The following PLAGL1 variants were observed in gnomAD, a reference collection of about 807,000 sequenced individuals.
PLAGL1 encodes PLAG1 like zinc finger 1, also known as zinc finger protein PLAGL1.
Under a neutral mutation model 4.6 loss-of-function variants are expected in PLAGL1, and 1 was observed. The ratio of observed to expected loss-of-function variants is 0.22; its 90% CI spans 0.08 to 1.03. PLAGL1 has a LOEUF of 1.03. Among genes scored for constraint, PLAGL1 ranks in the 50% least tolerant of loss-of-function variants. PLAGL1 has a pLI of 0.58. For missense variants in PLAGL1, 464 were observed against 570.4 expected (o/e 0.81, Z 1.90); for synonymous variants, 240 against 237.8 (o/e 1.01, Z -0.08).
chr6:144,020,244 T>A (rs770446319), intron 1 of PLAGL1, among the ~76,000 whole-genome samples: 1 of 152,138 alleles, frequency 6.6e-6, no homozygotes, highest in Non-Finnish European at 1.5e-5. Context: ...AAATTCATGT[T>A]GTTTTAGCCA....
intron 1 of PLAGL1, among the ~76,000 whole-genome samples, chr6:144,046,135 C>T (rs1033435292): frequency 6.6e-6 from 1 of 152,176 alleles, no homozygotes; most frequent in African/African-American, 2.4e-5. Flanking sequence ...GAACATCCTC[C>T]TTCAGCTCAG....
rs1798744862 is a variant in PLAGL1, at chr6:144,053,723, C to T, written c.-151+10745G>A. Among the ~76,000 whole-genome samples the T allele has an allele frequency of 6.6e-6, 1 of 152,212 alleles. No individual in the cohort carries two copies. The highest frequency in any genetic ancestry group is 2.4e-5 in the African/African-American group (1 of 41,442). On this transcript the variant is annotated intron_variant, in intron 1 of 3. Coordinates refer to the PLAGL1 transcript ENST00000437412. This position sits in a 1 kb window ranked among gnomAD's most constrained non-coding sequence, Gnocchi z 4.0. ...ATGGAAAATGATCAGCTGTCTTCCT[C>T]ATCCTCTAGTAACTATGTCAGGCCA... is the stretch of plus-strand genomic sequence containing the variant.
At chr6:144,047,189 C>T (rs1798223996) in intron 1 of PLAGL1, among the ~76,000 whole-genome samples, 1 of 152,200 alleles carries the variant, frequency 6.6e-6, no homozygotes, top group South Asian at 2.1e-4. Context: ...TCAGCTTGCC[C>T]TCCATGGGCT....
rs1799381983 is a variant in PLAGL1, at chr6:144,061,295, C to G, written c.-151+3173G>C. On this transcript the variant is annotated intron_variant, in intron 1 of 3. Coordinates refer to the PLAGL1 transcript ENST00000437412. The surrounding 1 kb of genome is among the most constrained non-coding windows in gnomAD (Gnocchi z 4.4). Reference sequence around the variant, plus strand: ...TTACCCATCAGCCATATGACGTTAGCAAGTCAGTCTCTTCCAATTCCAATT... The same window carrying G: ...TTACCCATCAGCCATATGACGTTAGGAAGTCAGTCTCTTCCAATTCCAATT... Among the ~76,000 whole-genome samples the G allele has an allele frequency of 6.6e-6, 1 of 152,228 alleles. No individual in the cohort carries two copies. The highest frequency in any genetic ancestry group is 2.1e-4 in the South Asian group (1 of 4,832).
In PLAGL1 at chr6:144,044,343, C is replaced by T. The variant is rs539611532; in HGVS notation, c.-151+20125G>A. On this transcript the variant is annotated intron_variant, in intron 1 of 3. Transcript: ENST00000437412. ...GCTATAAATTTCCCTCTACACACTGCTTTAAACGTGTCCCGGAGATTCTGG... is the reference window on the plus strand; with the variant it reads ...GCTATAAATTTCCCTCTACACACTGTTTTAAACGTGTCCCGGAGATTCTGG... Among the ~76,000 whole-genome samples the T allele has an allele frequency of 6.8e-4, 104 of 152,354 alleles. 2 individuals are homozygous for T. The South Asian group carries it at 0.021, about 30-fold the overall frequency.
intron 2 of PLAGL1, among the ~76,000 whole-genome samples, chr6:143,976,867 TTCTTC>T (rs1214383721): frequency 6.6e-6 from 1 of 152,230 alleles, no homozygotes; most frequent in East Asian, 1.9e-4. Context: ...TTTGAGACCA[TTCTTC>T]TCTTCTAACA....
chr6:144,058,291 GCTCA>G, intron 1 of PLAGL1, among the ~76,000 whole-genome samples: 1 of 152,184 alleles, frequency 6.6e-6, no homozygotes, highest in South Asian at 2.1e-4. Flanking sequence ...TCTTGGGTGA[GCTCA>G]CTCATCACCA....
rs182103706 is a variant in PLAGL1, at chr6:143,976,107, G to A, written c.-543-7129C>T. Among the ~76,000 whole-genome samples, 8 of 151,736 alleles carry A rather than the reference G, an allele frequency of 5.3e-5. No individual in the cohort carries two copies. The East Asian group carries it at 1.6e-3, about 29-fold the overall frequency. On this transcript the variant is annotated intron_variant, in intron 2 of 7. Coordinates refer to ENST00000674357, the MANE Select transcript of PLAGL1 (RefSeq NM_001317162.2). ...TTTTCATGACACCCTATTACTGGGC[G>A]GTGGCATAGAGATGCCACAGTACAG...
chr6:144,031,897 G>A (rs545354851), intron 1 of PLAGL1, among the ~76,000 whole-genome samples: 2 of 152,168 alleles, frequency 1.3e-5, no homozygotes, highest in East Asian at 3.9e-4. Context: ...AATGATGGTG[G>A]TATTTTGACA....
In PLAGL1 at chr6:144,036,517, C is replaced by T. The variant is rs1057064758; in HGVS notation, c.-151+27951G>A. 6 of 171,588 alleles carry T rather than the reference C, an allele frequency of 3.5e-5. No homozygotes were observed. In the East Asian group the frequency reaches 5.6e-4, roughly 16 times the overall value. 10.6% of individuals were successfully genotyped at this position (171,588 alleles called of 1,614,324 possible). On this transcript the variant is annotated intron_variant, in intron 1 of 3. Coordinates refer to the PLAGL1 transcript ENST00000437412. The surrounding 1 kb of genome is among the most constrained non-coding windows in gnomAD (Gnocchi z 5.1). The stretch of plus-strand genomic sequence containing the variant: ...ACACCCTCAGCACTTTGTGACAGGA[C>T]AATTACTGCCGCGTGACAGGACTCC...
intron 1 of PLAGL1, among the ~76,000 whole-genome samples, chr6:144,020,551 G>T (rs1326845879): frequency 2.6e-5 from 4 of 151,934 alleles, no homozygotes; most frequent in Non-Finnish European, 5.9e-5. Context: ...CTTCCAAAGT[G>T]CTGGGATTAC....
At chr6:143,988,679 T>TG (rs1789738397) in intron 1 of PLAGL1, among the ~76,000 whole-genome samples, 1 of 152,212 alleles carries the variant, frequency 6.6e-6, no homozygotes, top group Non-Finnish European at 1.5e-5. Context: ...TTCACAGTTC[T>TG]GGAGGGGAGA....
chr6:144,000,738 T>C lies in PLAGL1; in HGVS notation c.-584+7352A>G, dbSNP rs1026090206. Among the ~76,000 whole-genome samples, 5 of 152,118 alleles carry C rather than the reference T, an allele frequency of 3.3e-5. No individual in the cohort carries two copies. Among genetic ancestry groups the C allele is most frequent in the South Asian group, 2.1e-4 (1 of 4,836 alleles). On this transcript the variant is annotated intron_variant, in intron 1 of 7. Coordinates refer to ENST00000674357, the MANE Select transcript of PLAGL1 (RefSeq NM_001317162.2). This position sits in a 1 kb window ranked among gnomAD's most constrained non-coding sequence, Gnocchi z 4.1. ...AAGAAGGCTTCTGCTCTATGACATA[T>C]CAAAATCATTAGAGTTATCTTAGGA...
rs1469422541 is a variant in PLAGL1 at position 144,005,707 on chromosome 6, A to C, written c.-584+2383T>G. The C allele has an allele frequency of 6.6e-6, 1 of 152,102 alleles. No homozygotes were observed. Among genetic ancestry groups the C allele is most frequent in the Admixed American group, 6.5e-5 (1 of 15,286 alleles). 9.4% of individuals were successfully genotyped at this position (152,102 alleles called of 1,614,324 possible). A position where few individuals can be genotyped will look rare whatever the true frequency, so the allele number is the denominator to read the frequency against. On this transcript the variant is annotated intron_variant, in intron 1 of 7. Coordinates refer to ENST00000674357, the MANE Select transcript of PLAGL1 (RefSeq NM_001317162.2). The surrounding 1 kb of genome is among the most constrained non-coding windows in gnomAD (Gnocchi z 4.6). The stretch of plus-strand genomic sequence containing the variant: ...AAGTATATAACAAATATTTGTATCC[A>C]GAATGTTTTCCAATATAAATTTCTG...
Position 144,059,359 on chromosome 6 carries a change from T to C in PLAGL1, c.-151+5109A>G, listed in dbSNP as rs949460374. Reference sequence around the variant, plus strand: ...AAGCCATTCTTTCCTCCTAGGCCTCTGGGCCTACAATGTGACTCAGACCTA... The same window carrying C: ...AAGCCATTCTTTCCTCCTAGGCCTCCGGGCCTACAATGTGACTCAGACCTA... On this transcript the variant is annotated intron_variant, in intron 1 of 3. Coordinates refer to the PLAGL1 transcript ENST00000437412. The surrounding 1 kb of genome is among the most constrained non-coding windows in gnomAD (Gnocchi z 4.9). Among the ~76,000 whole-genome samples, 5 of 152,230 alleles carry C rather than the reference T, an allele frequency of 3.3e-5. No homozygotes were observed. The highest frequency in any genetic ancestry group is 4.8e-5 in the African/African-American group (2 of 41,462).
rs750509016 is a variant in PLAGL1, at chr6:143,941,605, G to A, written c.1211C>T (p.Ala404Val). ...GGGCAAAGATTCCCCAGGCCCCAGG[G>A]CAAGAGTGCTATTCCCAAAGGTATT... ...TQNTFGNSTL[A>V]LGPGESLPHR... Residue 404 changes from alanine (A) to valine (V), a missense_variant, in exon 8 of 8, where the codon GCC becomes GTC. Ala to Val is a moderately conservative substitution (Grantham distance 64). Transcript: ENST00000674357. The surrounding 1 kb of genome is among the most constrained non-coding windows in gnomAD (Gnocchi z 6.0). The A allele has an allele frequency of 4.3e-6, 7 of 1,613,340 alleles. No individual in the cohort carries two copies. The South Asian group carries it at 5.5e-5, about 13-fold the overall frequency.
rs1327665684 is a variant in PLAGL1 at position 144,050,187 on chromosome 6, A to G, written c.-151+14281T>C. ...TTTTGAGGGAAATTGAGACCACCTA[A>G]GGGAACAAGAGATTCACATTGCCCA... On this transcript the variant is annotated intron_variant, in intron 1 of 3. Transcript: ENST00000437412. This position sits in a 1 kb window ranked among gnomAD's most constrained non-coding sequence, Gnocchi z 4.3. Among the ~76,000 whole-genome samples the G allele has an allele frequency of 2.0e-5, 3 of 152,176 alleles. No individual in the cohort carries two copies. In the East Asian group the frequency reaches 5.8e-4, roughly 29 times the overall value.
chr6:143,998,932 A>G (rs1211930972), intron 1 of PLAGL1, among the ~76,000 whole-genome samples: 1 of 152,208 alleles, frequency 6.6e-6, no homozygotes, highest in Non-Finnish European at 1.5e-5. Context: ...AGTTAGGACC[A>G]GACAAAAAAA....
chr6:144,060,191 G>A (rs1191749449), intron 1 of PLAGL1, among the ~76,000 whole-genome samples: 1 of 152,070 alleles, frequency 6.6e-6, no homozygotes, highest in Non-Finnish European at 1.5e-5. Context: ...GGGACTACAG[G>A]CGTAGTCCAC....
Sources: gnomAD v4.1 joint callset for allele counts (sites outside exome capture counted in the v4.1 genomes callset) on GRCh38, gnomAD v4.1.1 for gene constraint, Gnocchi (gnomAD v3.1) non-coding constraint, MANE v1.5 for transcripts, NCBI Gene and HGNC (gene_info 2026-07-23, HGNC 2026-07-21) for gene names.